The following PLCL1 variants were observed in gnomAD, a reference collection of about 807,000 sequenced individuals.
PLCL1 encodes inactive phospholipase C-like protein 1.
A neutral mutation model predicts 84.4 loss-of-function variants in PLCL1; 41 were observed. The observed-to-expected ratio is 0.49, with a 90% CI of 0.38 to 0.63. PLCL1 has a LOEUF of 0.63. Ranked by LOEUF, PLCL1 falls within the 30% of genes least tolerant of loss-of-function variation. PLCL1 has a pLI of 0.00. For missense variants in PLCL1, 1,206 were observed against 1,367.8 expected (o/e 0.88, Z 1.87); for synonymous variants, 490 against 488.3 (o/e 1.00, Z -0.05).
At chr2:197,909,483 A>T (rs2105744817) in intron 1 of PLCL1, among the ~76,000 whole-genome samples, 1 of 152,216 alleles carries the variant, frequency 6.6e-6, no homozygotes, top group Admixed American at 6.5e-5. Context: ...ACTCACAGGC[A>T]CATCTGTGGG....
At chr2:198,021,680 C>A (rs2105840192) in intron 1 of PLCL1, among the ~76,000 whole-genome samples, 1 of 152,196 alleles carries the variant, frequency 6.6e-6, no homozygotes, top group East Asian at 1.9e-4. Flanking sequence ...CACACCCTCC[C>A]AAGACTAAAC....
intron 1 of PLCL1, among the ~76,000 whole-genome samples, chr2:197,888,585 C>T (rs1406111867): frequency 2.6e-5 from 4 of 152,142 alleles, no homozygotes; most frequent in Admixed American, 6.6e-5. Flanking sequence ...TACAATACTT[C>T]CTCATAGAGT....
At chr2:198,068,421 G>A (rs1305103488) in intron 1 of PLCL1, among the ~76,000 whole-genome samples, 1 of 152,180 alleles carries the variant, frequency 6.6e-6, no homozygotes, top group Non-Finnish European at 1.5e-5. Flanking sequence ...AAAGAAGAAA[G>A]TGTAATGTGA....
intron 1 of PLCL1, among the ~76,000 whole-genome samples, chr2:197,821,729 C>T (rs1690820787): frequency 1.3e-5 from 2 of 152,088 alleles, no homozygotes; most frequent in South Asian, 2.1e-4. Flanking sequence ...ATGGCCATAC[C>T]CAGCTGCAAA....
In PLCL1 at chr2:198,083,751, T is replaced by C. The variant is rs1219359801; in HGVS notation, c.241-7T>C. The C allele has an allele frequency of 6.4e-7, 1 of 1,553,682 alleles. No homozygotes were observed. On this transcript the variant is annotated splice_region_variant and splice_polypyrimidine_tract_variant and intron_variant, in intron 1 of 5. Coordinates refer to ENST00000428675, the MANE Select transcript of PLCL1 (RefSeq NM_006226.4). ...AATTGATTCATTTTTTTCAAATTAT[T>C]TTACAGGATCCTTCAAACCAAAAAT... is the stretch of plus-strand genomic sequence containing the variant.
chr2:198,021,594 C>T (rs781423280), intron 1 of PLCL1, among the ~76,000 whole-genome samples: 2 of 152,096 alleles, frequency 1.3e-5, no homozygotes, highest in Non-Finnish European at 2.9e-5. Context: ...TACAAACTAC[C>T]ATCGGAGAAT....
At chr2:198,008,500 C>T (rs1000286005) in intron 1 of PLCL1, among the ~76,000 whole-genome samples, 5 of 151,318 alleles carry the variant, frequency 3.3e-5, no homozygotes, top group Admixed American at 1.3e-4. Flanking sequence ...GTAATGTCCT[C>T]GAGTTTCATT....
rs1475375504 is a variant in PLCL1, at chr2:197,804,655, G to A, written c.-445G>A. On this transcript the variant is annotated 5_prime_UTR_variant, in exon 1 of 6. Coordinates refer to ENST00000428675, the MANE Select transcript of PLCL1 (RefSeq NM_006226.4). ...TGGGACCGCTGCGCCGCAGTCCGCG[G>A]GCAGGTGGCGGGTGCGCCCGGCCGC... 1.3e-5 allele frequency: 2 copies of A among 153,372 alleles called. No homozygotes were observed. The highest frequency in any genetic ancestry group is 6.6e-5 in the Admixed American group (1 of 15,202). The allele number at this position is 153,372 out of a possible 1,614,324, so 9.5% of individuals were successfully genotyped here.
chr2:197,880,115 A>C (rs1687803569), intron 1 of PLCL1, among the ~76,000 whole-genome samples: 1 of 152,202 alleles, frequency 6.6e-6, no homozygotes, highest in Non-Finnish European at 1.5e-5. Flanking sequence ...CCAACCTTAG[A>C]AATAAAAGCT....
At position 197,894,832 on chromosome 2, in the gene PLCL1, C is replaced by T. The variant is rs183589116; in HGVS notation, c.240+89493C>T. 1.1e-4 allele frequency among the ~76,000 whole-genome samples: 17 copies of T among 152,028 alleles called. 1 individual carries two copies. The highest frequency in any genetic ancestry group is 2.4e-4 in the Non-Finnish European group (16 of 67,924). ...ATGGACTTGTGCTATAATCCTGGGTCACCTCCTGAACCATGGTCCCTCCTT... is the reference window on the plus strand; with the variant it reads ...ATGGACTTGTGCTATAATCCTGGGTTACCTCCTGAACCATGGTCCCTCCTT... On this transcript the variant is annotated intron_variant, in intron 1 of 5. Coordinates refer to ENST00000428675, the MANE Select transcript of PLCL1 (RefSeq NM_006226.4).
intron 1 of PLCL1, among the ~76,000 whole-genome samples, chr2:197,920,843 T>C (rs750839999): frequency 6.6e-6 from 1 of 152,228 alleles, no homozygotes; most frequent in Admixed American, 6.5e-5. Context: ...AAGCCTTTCG[T>C]ATTTTGATTT....
chr2:197,889,740 T>C (rs991915601), intron 1 of PLCL1, among the ~76,000 whole-genome samples: 9 of 152,166 alleles, frequency 5.9e-5, no homozygotes, highest in Non-Finnish European at 2.9e-5. Context: ...TTAGTTTTGT[T>C]TGTGTTTTAG....
intron 1 of PLCL1, among the ~76,000 whole-genome samples, chr2:197,814,549 G>A (rs1690650921): frequency 6.6e-6 from 1 of 152,022 alleles, no homozygotes; most frequent in African/African-American, 2.4e-5. Context: ...ACCCTATAAT[G>A]GCCTCTAAAT....
At chr2:198,139,129 T>C (rs1159951915) in intron 5 of PLCL1, among the ~76,000 whole-genome samples, 3 of 152,150 alleles carry the variant, frequency 2.0e-5, no homozygotes, top group South Asian at 4.2e-4. Context: ...CACTCCAGCC[T>C]GGGCAACAAG....
chr2:198,050,835 A>G (rs1361513838), intron 1 of PLCL1, among the ~76,000 whole-genome samples: 1 of 152,176 alleles, frequency 6.6e-6, no homozygotes, highest in African/African-American at 2.4e-5. Context: ...ATCCAAAAGA[A>G]CATCTGGCAA....
At chr2:198,003,065 G>C (rs775537635) in intron 1 of PLCL1, among the ~76,000 whole-genome samples, 2 of 151,844 alleles carry the variant, frequency 1.3e-5, no homozygotes, top group African/African-American at 2.4e-5. Context: ...CGCCCTTCTA[G>C]ATTTAGAGGT....
intron 1 of PLCL1, among the ~76,000 whole-genome samples, chr2:197,874,509 C>G (rs949104578): frequency 8.5e-5 from 13 of 152,066 alleles, no homozygotes; most frequent in African/African-American, 2.9e-4. Context: ...ATTAAATTAT[C>G]TGTTTACACT....
chr2:197,851,746 G>T (rs1687243578), intron 1 of PLCL1, among the ~76,000 whole-genome samples: 1 of 152,210 alleles, frequency 6.6e-6, no homozygotes, highest in African/African-American at 2.4e-5. Context: ...TGTTAGAGGA[G>T]ACCAGGAGGA....
chr2:197,918,271 G>A (rs1285670114), intron 1 of PLCL1, among the ~76,000 whole-genome samples: 5 of 152,032 alleles, frequency 3.3e-5, no homozygotes, highest in Non-Finnish European at 7.4e-5. Context: ...AAACTAATAA[G>A]GTAATCAAAA....
Sources: allele counts gnomAD v4.1 joint callset (sites outside exome capture counted in the v4.1 genomes callset), GRCh38; gene constraint gnomAD v4.1.1; transcripts MANE v1.5; gene names NCBI Gene and HGNC (gene_info 2026-07-23, HGNC 2026-07-21).